The following NAALADL2 variants were observed in gnomAD, a reference collection of about 807,000 sequenced individuals.
NAALADL2 encodes the protein inactive N-acetylated-alpha-linked acidic dipeptidase-like protein 2.
In NAALADL2, 76 loss-of-function variants were observed where a neutral mutation model predicts 87.2. The observed-to-expected ratio is 0.87, with a 90% confidence interval of 0.72 to 1.05. NAALADL2 has a LOEUF of 1.05. Among genes scored for constraint, NAALADL2 ranks in the 50% least tolerant of loss-of-function variants. The pLI, the probability that NAALADL2 is intolerant of heterozygous loss-of-function variation, is 0.00. For synonymous variants in NAALADL2, 354 were observed against 331.0 expected (o/e 1.07, Z -0.75); for missense variants, 1,089 against 945.8 (o/e 1.15, Z -1.99).
At chr3:174,504,624 G>C (rs1033701588) in intron 1 of NAALADL2, among the ~76,000 whole-genome samples, 3 of 152,074 alleles carry the variant, frequency 2.0e-5, no homozygotes, top group African/African-American at 7.2e-5. Context: ...AAAGGAATGA[G>C]AGTTTACATC....
rs545275615 is a variant in NAALADL2 at position 175,460,282 on chromosome 3, A to G, written c.1235-3119A>G. 3.0e-4 allele frequency: 131 copies of G among 436,492 alleles called. 2 individuals carry two copies. Among genetic ancestry groups the G allele is most frequent in the South Asian group, 1.9e-3 (115 of 60,756 alleles). The allele number at this position is 436,492 out of a possible 1,614,324, so 27.0% of individuals were successfully genotyped here. On this transcript the variant is annotated intron_variant, in intron 6 of 13. Transcript: ENST00000454872. The stretch of plus-strand genomic sequence containing the variant: ...GTGAAAATAAACAGACTCTATGCAT[A>G]TTTATTTTCAGATGTGAGTATGGAA...
At chr3:175,007,953 G>A (rs2108791223) in intron 1 of NAALADL2, among the ~76,000 whole-genome samples, 1 of 152,254 alleles carries the variant, frequency 6.6e-6, no homozygotes. Context: ...GGGCTTCTAA[G>A]TAACTAGCGA....
intron 1 of NAALADL2, among the ~76,000 whole-genome samples, chr3:174,885,642 C>G (rs1157582710): frequency 6.6e-6 from 1 of 152,082 alleles, no homozygotes; most frequent in Admixed American, 6.6e-5. Flanking sequence ...ATTAAGCAGC[C>G]AACTCCAGAA....
At chr3:174,830,799 G>C (rs1176021888) in intron 3 of NAALADL2, among the ~76,000 whole-genome samples, 1 of 152,078 alleles carries the variant, frequency 6.6e-6, no homozygotes, top group Non-Finnish European at 1.5e-5. Flanking sequence ...GTAGTTTGTA[G>C]TTCTCCTTGA....
At chr3:174,764,989 C>G (rs1039698298) in intron 3 of NAALADL2, among the ~76,000 whole-genome samples, 1 of 151,978 alleles carries the variant, frequency 6.6e-6, no homozygotes, top group African/African-American at 2.4e-5. Context: ...ATGTTACTTT[C>G]TACCTTTGTT....
chr3:174,885,908 TTTTTTTTTTTTTTTTTTTTTTTTTA>T (rs1730073620), intron 1 of NAALADL2, among the ~76,000 whole-genome samples: 2 of 43,866 alleles, frequency 4.6e-5, no homozygotes, highest in Admixed American at 2.9e-4. Context: ...TTTTTTTTTT[TTTTTTTTTTTTTTTTTTTTTTTTTA>T]GATGGAGTCT....
At chr3:175,500,359 T>G (rs77883024) in intron 9 of NAALADL2, among the ~76,000 whole-genome samples, 4,859 of 151,898 alleles carry the variant, frequency 0.032, 279 homozygotes, top group African/African-American at 0.11. Context: ...ATGTGTAGTG[T>G]GGAAAAAAAA....
At chr3:174,730,375 T>A (rs999332627) in intron 2 of NAALADL2, among the ~76,000 whole-genome samples, 12 of 152,122 alleles carry the variant, frequency 7.9e-5, no homozygotes, top group African/African-American at 2.7e-4. Context: ...ATCTGAACAG[T>A]GGCCAGTCAT....
chr3:174,929,160 C>T (rs1466881662), intron 1 of NAALADL2, among the ~76,000 whole-genome samples: 1 of 152,158 alleles, frequency 6.6e-6, no homozygotes, highest in Non-Finnish European at 1.5e-5. Flanking sequence ...TGCCAAAGCA[C>T]TAAGGCTGGA....
chr3:175,635,815 G>A (rs1051086550), intron 11 of NAALADL2, among the ~76,000 whole-genome samples: 4 of 152,034 alleles, frequency 2.6e-5, no homozygotes, highest in South Asian at 2.1e-4. Context: ...GTACAGAGAC[G>A]AAGGGCAGAA....
intron 5 of NAALADL2, among the ~76,000 whole-genome samples, chr3:175,347,575 C>T (rs1355970188): frequency 6.6e-6 from 1 of 151,982 alleles, no homozygotes. Flanking sequence ...CCCGTCACCA[C>T]CCCCCAAAAT....
At chr3:175,007,069 T>C (rs543871146) in intron 1 of NAALADL2, among the ~76,000 whole-genome samples, 1 of 150,254 alleles carries the variant, frequency 6.7e-6, no homozygotes, top group South Asian at 2.1e-4. Flanking sequence ...GTAAATAATC[T>C]ATGAATGCAA....
At chr3:175,393,544 A>C (rs1353435493) in intron 5 of NAALADL2, among the ~76,000 whole-genome samples, 1 of 152,054 alleles carries the variant, frequency 6.6e-6, no homozygotes, top group Non-Finnish European at 1.5e-5. Context: ...ATCCTTTTCT[A>C]AGATTCATCA....
At chr3:175,583,678 G>A (rs1433650073) in intron 10 of NAALADL2, among the ~76,000 whole-genome samples, 1 of 152,140 alleles carries the variant, frequency 6.6e-6, no homozygotes, top group Non-Finnish European at 1.5e-5. Context: ...TATTCAACAA[G>A]ACAATGTTCA....
At chr3:175,604,015 A>T (rs1413582845) in intron 10 of NAALADL2, among the ~76,000 whole-genome samples, 1 of 152,128 alleles carries the variant, frequency 6.6e-6, no homozygotes, top group African/African-American at 2.4e-5. Flanking sequence ...AACAACAACA[A>T]ATATCTCTTC....
intron 3 of NAALADL2, among the ~76,000 whole-genome samples, chr3:174,791,998 C>A (rs998447565): frequency 2.0e-5 from 3 of 152,056 alleles, no homozygotes; most frequent in Non-Finnish European, 2.9e-5. Context: ...CACTTGAGGC[C>A]AGGAGTTCGA....
intron 9 of NAALADL2, among the ~76,000 whole-genome samples, chr3:175,526,490 G>A (rs1047025371): frequency 2.6e-5 from 4 of 152,186 alleles, no homozygotes; most frequent in Admixed American, 2.0e-4. Context: ...TAAATGAAAT[G>A]AAACTTATTT....
At chr3:175,611,101 G>A (rs1264088309) in intron 10 of NAALADL2, among the ~76,000 whole-genome samples, 1 of 152,032 alleles carries the variant, frequency 6.6e-6, no homozygotes, top group Non-Finnish European at 1.5e-5. Flanking sequence ...ACTTAGCTAA[G>A]TCTACCATGC....
intron 3 of NAALADL2, among the ~76,000 whole-genome samples, chr3:174,766,304 T>G (rs2109090841): frequency 6.6e-6 from 1 of 152,336 alleles, no homozygotes; most frequent in African/African-American, 2.4e-5. Flanking sequence ...GAAGTGACCA[T>G]TTTGAAGTAG....
Sources: gnomAD v4.1 joint callset for allele counts (sites outside exome capture counted in the v4.1 genomes callset) on GRCh38, gnomAD v4.1.1 for gene constraint, MANE v1.5 for transcripts, NCBI Gene and HGNC (gene_info 2026-07-23, HGNC 2026-07-21) for gene names.